The following CSMD1 variants were observed in gnomAD, a reference collection of about 807,000 sequenced individuals.
CSMD1 encodes CUB and sushi domain-containing protein 1.
In CSMD1, 213 loss-of-function variants were observed where a neutral mutation model predicts 417.5. The ratio of observed to expected loss-of-function variants is 0.51; its 90% CI spans 0.46 to 0.57. CSMD1 has a LOEUF of 0.57. Among genes scored for constraint, CSMD1 ranks in the 20% least tolerant of loss-of-function variants. CSMD1 has a pLI of 0.00. For missense variants in CSMD1, 6,923 were observed against 4,529.7 expected (o/e 1.53, Z -15.17); for synonymous variants, 2,862 against 1,736.8 (o/e 1.65, Z -16.11).
intron 2 of CSMD1, among the ~76,000 whole-genome samples, chr8:4,436,709 C>G (rs561020335): frequency 2.0e-5 from 3 of 152,092 alleles, no homozygotes; most frequent in African/African-American, 4.8e-5. Context: ...CCATCCTACT[C>G]CCTATGTCCA....
At chr8:4,777,997 G>A (rs999217460) in intron 1 of CSMD1, among the ~76,000 whole-genome samples, 1 of 152,130 alleles carries the variant, frequency 6.6e-6, no homozygotes, top group African/African-American at 2.4e-5. Flanking sequence ...TTTCATGATG[G>A]CAAATTCTTA....
chr8:3,885,333 T>C (rs985796865), intron 5 of CSMD1, among the ~76,000 whole-genome samples: 1 of 152,142 alleles, frequency 6.6e-6, no homozygotes, highest in African/African-American at 2.4e-5. Context: ...ATTGGCACAC[T>C]TAGTGACATT....
chr8:4,174,943 T>C (rs145513547), intron 3 of CSMD1, among the ~76,000 whole-genome samples: 54 of 151,376 alleles, frequency 3.6e-4, no homozygotes, highest in African/African-American at 9.2e-4. Context: ...TAATTTAATA[T>C]TGAAGTCTTT....
intron 8 of CSMD1, among the ~76,000 whole-genome samples, chr8:3,591,477 G>A (rs1390273446): frequency 6.6e-6 from 1 of 152,094 alleles, no homozygotes; most frequent in Non-Finnish European, 1.5e-5. Flanking sequence ...TTAAACATTG[G>A]TATCATAACT....
chr8:4,683,755 C>T (rs558983000), intron 1 of CSMD1, among the ~76,000 whole-genome samples: 7 of 152,232 alleles, frequency 4.6e-5, no homozygotes, highest in African/African-American at 1.4e-4. Context: ...ACAATTAGCT[C>T]AGACATACAT....
chr8:4,073,555 G>C (rs545092005), intron 3 of CSMD1, among the ~76,000 whole-genome samples: 1 of 152,094 alleles, frequency 6.6e-6, no homozygotes, highest in East Asian at 1.9e-4. Flanking sequence ...AAATAACCAT[G>C]CTATTAATCC....
intron 2 of CSMD1, among the ~76,000 whole-genome samples, chr8:4,539,930 C>G (rs1479066895): frequency 6.6e-6 from 1 of 152,120 alleles, no homozygotes; most frequent in Middle Eastern, 3.2e-3. Context: ...ATTTCTCTTC[C>G]CATCTACCCC....
At chr8:4,397,523 CTTTTTTTTTTTTT>C (rs57745028) in intron 3 of CSMD1, among the ~76,000 whole-genome samples, 3,212 of 60,182 alleles carry the variant, frequency 0.053, 153 homozygotes, top group African/African-American at 0.18. Flanking sequence ...GCCTGAGACT[CTTTTTTTTTTTTT>C]TTTTTTTTTT....
chr8:4,700,455 T>C lies in CSMD1; in HGVS notation c.86-62897A>G, dbSNP rs189410876. On this transcript the variant is annotated intron_variant, in intron 1 of 69. Transcript: ENST00000635120. Reference sequence around the variant, plus strand: ...GTTTACTTTGTGACACCTCATTGCTTGGAAACAACCTGCATATTCTTTAAA... The same window carrying C: ...GTTTACTTTGTGACACCTCATTGCTCGGAAACAACCTGCATATTCTTTAAA... 1.7e-3 allele frequency among the ~76,000 whole-genome samples: 264 copies of C among 152,286 alleles called. 1 individual carries two copies. Among genetic ancestry groups the C allele is most frequent in the African/African-American group, 6.2e-3 (256 of 41,564 alleles).
rs1303849098 is a variant in CSMD1 at position 4,406,491 on chromosome 8, G to A, written c.415+13462C>T. Among the ~76,000 whole-genome samples the A allele has an allele frequency of 2.6e-5, 4 of 152,226 alleles. No homozygotes were observed. The South Asian group carries it at 8.3e-4, about 32-fold the overall frequency. ...CATCCTCTGGGCATTAATTAGATGG[G>A]AACAAGGAATTTGACTAGTTGATAT... On this transcript the variant is annotated intron_variant, in intron 3 of 69. Transcript: ENST00000635120.
intron 4 of CSMD1, among the ~76,000 whole-genome samples, chr8:4,022,750 A>C (rs939025699): frequency 1.3e-5 from 2 of 152,204 alleles, no homozygotes; most frequent in African/African-American, 4.8e-5. Context: ...AGACAACTAG[A>C]AACTTTGGGA....
At chr8:3,685,550 G>A (rs993061201) in intron 7 of CSMD1, among the ~76,000 whole-genome samples, 10 of 152,126 alleles carry the variant, frequency 6.6e-5, no homozygotes, top group Non-Finnish European at 1.2e-4. Flanking sequence ...GAAGAAAAAT[G>A]TAACAACGGG....
chr8:3,232,043 G>T (rs575093919), intron 26 of CSMD1, among the ~76,000 whole-genome samples: 1 of 152,282 alleles, frequency 6.6e-6, no homozygotes, highest in South Asian at 2.1e-4. Flanking sequence ...TGAGAACAAT[G>T]AAATGAACAT....
At chr8:3,785,752 A>C (rs1400286711) in intron 5 of CSMD1, among the ~76,000 whole-genome samples, 1 of 152,080 alleles carries the variant, frequency 6.6e-6, no homozygotes, top group Non-Finnish European at 1.5e-5. Context: ...AGGAGCTAGG[A>C]AGCCTATGGT....
chr8:3,442,645 G>A (rs1457658666), intron 12 of CSMD1, among the ~76,000 whole-genome samples: 1 of 152,156 alleles, frequency 6.6e-6, no homozygotes, highest in African/African-American at 2.4e-5. Context: ...ACTCCACGAT[G>A]TTTGCATACT....
At chr8:3,188,003 G>A in intron 35 of CSMD1, 38 bp from the exon 36 acceptor site, 1 of 1,552,452 alleles carries the variant, frequency 6.4e-7, no homozygotes, top group Non-Finnish European at 8.8e-7. Flanking sequence ...TTTATTTTTG[G>A]CTTAACACAA....
rs115634490 is a variant in CSMD1 at position 4,366,184 on chromosome 8, C to T, written c.415+53769G>A. On this transcript the variant is annotated intron_variant, in intron 3 of 69. Transcript: ENST00000635120. ...ATGAGAACATGCAGCATTTGGTTTTCTGTCTCTGCATTGCTTCACTTAGGA... is the reference window on the plus strand; with the variant it reads ...ATGAGAACATGCAGCATTTGGTTTTTTGTCTCTGCATTGCTTCACTTAGGA... Among the ~76,000 whole-genome samples the T allele has an allele frequency of 5.0e-3, 755 of 152,250 alleles. 6 individuals carry two copies. Among genetic ancestry groups the T allele is most frequent in the African/African-American group, 0.017 (723 of 41,534 alleles).
At chr8:4,032,686 C>A (rs72624015) in intron 3 of CSMD1, among the ~76,000 whole-genome samples, 65 of 152,172 alleles carry the variant, frequency 4.3e-4, no homozygotes, top group African/African-American at 1.4e-3. Flanking sequence ...GTATTCCAGG[C>A]CAGCAGCCAG....
chr8:3,131,821 G>T (rs543177177), intron 41 of CSMD1, among the ~76,000 whole-genome samples: 1 of 152,230 alleles, frequency 6.6e-6, no homozygotes, highest in South Asian at 2.1e-4. Flanking sequence ...GTAAGGAAAT[G>T]CTAAATATTA....
Sources: allele counts gnomAD v4.1 joint callset (sites outside exome capture counted in the v4.1 genomes callset), GRCh38; gene constraint gnomAD v4.1.1; transcripts MANE v1.5; gene names NCBI Gene and HGNC (gene_info 2026-07-23, HGNC 2026-07-21).